The following LRFN5 variants were observed in gnomAD, a reference collection of about 807,000 sequenced individuals.
The protein encoded by LRFN5 is leucine rich repeat and fibronectin type III domain containing 5.
In LRFN5, 24 loss-of-function variants were observed where a neutral mutation model predicts 45.6. That is an observed-to-expected ratio of 0.53 (90% CI 0.38 to 0.74). LRFN5 has a LOEUF of 0.74. Among genes scored for constraint, LRFN5 ranks in the 30% least tolerant of loss-of-function variants. The probability of loss-of-function intolerance (pLI) is 0.00; values close to 1 mark genes in which losing one functional copy is unlikely to be tolerated. For missense variants in LRFN5, 776 were observed against 861.5 expected, an observed-to-expected ratio of 0.90 and a Z score of 1.24; for synonymous variants, 340 against 313.8, an observed-to-expected ratio of 1.08 and a Z score of -0.88.
intron 1 of LRFN5, among the ~76,000 whole-genome samples, chr14:41,649,102 C>T (rs892450271): frequency 2.6e-5 from 4 of 151,702 alleles, no homozygotes; most frequent in African/African-American, 4.8e-5. Flanking sequence ...GGCGTTGTGG[C>T]GGGCGCCTGT....
At chr14:41,658,857 T>C (rs919070049) in intron 1 of LRFN5, among the ~76,000 whole-genome samples, 4 of 152,144 alleles carry the variant, frequency 2.6e-5, no homozygotes, top group African/African-American at 9.6e-5. Flanking sequence ...TTCCTAATAA[T>C]AGATCTGAAG....
chr14:41,895,967 T>C (rs1376737417), intron 4 of LRFN5, among the ~76,000 whole-genome samples: 2 of 152,126 alleles, frequency 1.3e-5, no homozygotes, highest in African/African-American at 4.8e-5. Context: ...CTTTTAGTTT[T>C]GTAATGTATT....
intron 1 of LRFN5, among the ~76,000 whole-genome samples, chr14:41,725,174 A>C (rs115116003): frequency 0.012 from 1,784 of 152,262 alleles, 35 homozygotes; most frequent in African/African-American, 0.039. Flanking sequence ...AGGTGCTTAG[A>C]GTTAGGATTC....
At chr14:41,780,972 C>T (rs1886460712) in intron 2 of LRFN5, among the ~76,000 whole-genome samples, 2 of 152,052 alleles carry the variant, frequency 1.3e-5, no homozygotes. Flanking sequence ...TTTTCCCATC[C>T]CTTTTTATAT....
At chr14:41,733,534 G>A (rs1884273248) in intron 1 of LRFN5, 1 of 152,042 alleles carries the variant, frequency 6.6e-6, no homozygotes. Flanking sequence ...CAGTAGACCT[G>A]CCTTAAAATA....
intron 2 of LRFN5, among the ~76,000 whole-genome samples, chr14:41,780,565 T>C (rs10145273): frequency 0.3 from 45,040 of 151,886 alleles, 8,169 homozygotes; most frequent in East Asian, 0.69. Context: ...AATCAATGTG[T>C]TCTTAATTTA....
intron 2 of LRFN5, among the ~76,000 whole-genome samples, chr14:41,793,638 C>A (rs1361976449): frequency 6.6e-6 from 1 of 151,750 alleles, no homozygotes; most frequent in East Asian, 1.9e-4. Context: ...CATGGTGGGG[C>A]CACAGTTATC....
intron 1 of LRFN5, among the ~76,000 whole-genome samples, chr14:41,740,414 A>T (rs1333409068): frequency 3.3e-5 from 5 of 152,044 alleles, no homozygotes; most frequent in African/African-American, 1.2e-4. Context: ...GAGTTACACT[A>T]TATTAACAAA....
intron 1 of LRFN5, among the ~76,000 whole-genome samples, chr14:41,756,661 AT>A (rs1044927893): frequency 6.6e-6 from 1 of 151,646 alleles, no homozygotes; most frequent in Non-Finnish European, 1.5e-5. Flanking sequence ...CATTCGTCTA[AT>A]TTTTTTTCAA....
At chr14:41,902,875 A>G (rs1676812066) in intron 5 of LRFN5, among the ~76,000 whole-genome samples, 1 of 151,606 alleles carries the variant, frequency 6.6e-6, no homozygotes. Flanking sequence ...AATTTTACCA[A>G]TATGAGCTCT....
At chr14:41,810,046 A>C (rs1594429731) in intron 2 of LRFN5, among the ~76,000 whole-genome samples, 1 of 152,054 alleles carries the variant, frequency 6.6e-6, no homozygotes, top group African/African-American at 2.4e-5. Flanking sequence ...ATAATATGAA[A>C]TTTCTCTTTA....
intron 1 of LRFN5, among the ~76,000 whole-genome samples, chr14:41,674,240 C>T (rs1238855059): frequency 3.1e-4 from 42 of 133,790 alleles, no homozygotes; most frequent in Non-Finnish European, 5.2e-4. Flanking sequence ...GGCGGCTGGC[C>T]GGGCAGAGGG....
chr14:41,681,796 T>TTTTATTTATTTA (rs34192648), intron 1 of LRFN5, among the ~76,000 whole-genome samples: 10 of 98,916 alleles, frequency 1.0e-4, no homozygotes, highest in African/African-American at 4.5e-4. Flanking sequence ...TTTTATTTTA[T>TTTTATTTATTTA]TTTATTTATT....
chr14:41,754,198 T>C (rs1885269186), intron 1 of LRFN5, among the ~76,000 whole-genome samples: 2 of 152,202 alleles, frequency 1.3e-5, no homozygotes, highest in South Asian at 4.1e-4. Context: ...GCATCGATGT[T>C]CATCGGGGAT....
At chr14:41,635,598 C>G (rs1178674031) in intron 1 of LRFN5, among the ~76,000 whole-genome samples, 1 of 152,006 alleles carries the variant, frequency 6.6e-6, no homozygotes, top group Non-Finnish European at 1.5e-5. Flanking sequence ...GTTAGGAATC[C>G]AGAAAAATAT....
intron 1 of LRFN5, among the ~76,000 whole-genome samples, chr14:41,649,338 T>A (rs1030915776): frequency 6.6e-6 from 1 of 151,670 alleles, no homozygotes; most frequent in Non-Finnish European, 1.5e-5. Context: ...AATTGTTTAA[T>A]AATTAATATT....
In LRFN5 at chr14:41,904,189, T is replaced by C. The variant is rs200428617; in HGVS notation, c.*14T>C. 3.9e-4 allele frequency: 629 copies of C among 1,605,178 alleles called. 1 individual carries two copies. Among genetic ancestry groups the C allele is most frequent in the South Asian group, 6.1e-4 (55 of 90,806 alleles). On this transcript the variant is annotated 3_prime_UTR_variant, in exon 6 of 6. Transcript: ENST00000298119. ...GAGTTAATCTGAAGAGCACCACTTC[T>C]CCTCTCTCTCCTGAAAAAATTTGCC...
intron 1 of LRFN5, among the ~76,000 whole-genome samples, chr14:41,727,997 C>G (rs1224054818): frequency 6.6e-6 from 1 of 151,732 alleles, no homozygotes; most frequent in Non-Finnish European, 1.5e-5. Flanking sequence ...GCAGTTTTGT[C>G]TGTTTTGTTT....
chr14:41,826,835 G>C (rs1351737309), intron 2 of LRFN5, among the ~76,000 whole-genome samples: 6 of 94,718 alleles, frequency 6.3e-5, no homozygotes. Context: ...TAAGAATTGT[G>C]TAAATGTTGT....
Sources: gnomAD v4.1 joint callset for allele counts (sites outside exome capture counted in the v4.1 genomes callset) on GRCh38, gnomAD v4.1.1 for gene constraint, MANE v1.5 for transcripts, NCBI Gene and HGNC (gene_info 2026-07-23, HGNC 2026-07-21) for gene names.